Variants in SLC26A8 observed in about 807,000 individuals in gnomAD.
The protein encoded by SLC26A8 is testis anion transporter 1.
A neutral mutation model predicts 105.0 loss-of-function variants in SLC26A8; 70 were observed. The ratio of observed to expected loss-of-function variants is 0.67; its 90% CI spans 0.55 to 0.81. SLC26A8 has a LOEUF of 0.81. Among genes scored for constraint, SLC26A8 ranks in the 40% least tolerant of loss-of-function variants. SLC26A8 has a pLI of 0.00. For synonymous variants in SLC26A8, 415 were observed against 438.3 expected, an observed-to-expected ratio of 0.95 and a Z score of 0.66; for missense variants, 998 against 1,181.8, an observed-to-expected ratio of 0.84 and a Z score of 2.28.
At chr6:36,015,847 C>G (rs1210274161) in intron 2 of SLC26A8, among the ~76,000 whole-genome samples, 1 of 152,052 alleles carries the variant, frequency 6.6e-6, no homozygotes, top group East Asian at 1.9e-4. Flanking sequence ...ACTTTCCACA[C>G]TTGTCACCAA....
chr6:35,989,995 T>C (rs1562051405), intron 7 of SLC26A8: 1 of 129,106 alleles, frequency 7.7e-6, no homozygotes, highest in Non-Finnish European at 1.6e-5. Flanking sequence ...TGCAGTGCAG[T>C]GGCACTATCT....
chr6:35,998,014 T>C, intron 4 of SLC26A8, 95 bp from the exon 5 acceptor site: 1 of 1,166,830 alleles, frequency 8.6e-7, no homozygotes, highest in Admixed American at 2.3e-5. Context: ...GGATTGTCCT[T>C]CAACTGAATA....
intron 17 of SLC26A8, among the ~76,000 whole-genome samples, chr6:35,951,713 A>G (rs977524114): frequency 6.6e-5 from 10 of 152,028 alleles, no homozygotes; most frequent in Non-Finnish European, 1.0e-4. Flanking sequence ...CAAGTAGCTG[A>G]GACTACAGGT....
intron 3 of SLC26A8, among the ~76,000 whole-genome samples, chr6:36,003,956 C>A (rs565375946): frequency 2.6e-5 from 4 of 151,872 alleles, no homozygotes; most frequent in African/African-American, 9.7e-5. Context: ...CCACCATGCC[C>A]GGCCTATTTC....
chr6:36,000,120 G>C lies in SLC26A8; in HGVS notation c.329-12C>G. 5 of 1,567,200 alleles carry C rather than the reference G, an allele frequency of 3.2e-6. No homozygotes were observed. The highest frequency in any genetic ancestry group is 4.4e-6 in the Non-Finnish European group (5 of 1,141,460). On this transcript the variant is annotated splice_polypyrimidine_tract_variant and intron_variant, in intron 3 of 19. Transcript: ENST00000490799. ...ACTAAGTGTCAGGCCTGAAAAACAA[G>C]ATAATTTAAGAAAAAGCAGCTTGTC...
intron 16 of SLC26A8, 52 bp downstream of exon 16, chr6:35,959,408 A>G: frequency 6.4e-7 from 1 of 1,552,424 alleles, no homozygotes; most frequent in Non-Finnish European, 8.7e-7. Flanking sequence ...TGACTAGTGT[A>G]CTTGTTTATA....
At chr6:35,965,121 G>C (rs1256339643) in intron 11 of SLC26A8, among the ~76,000 whole-genome samples, 1 of 152,040 alleles carries the variant, frequency 6.6e-6, no homozygotes, top group Non-Finnish European at 1.5e-5. Context: ...TGTACAGTTA[G>C]GTTACAACTA....
intron 6 of SLC26A8, 39 bp from the exon 7 acceptor site, chr6:35,991,847 G>A (rs1010677870): frequency 2.0e-6 from 3 of 1,521,186 alleles, no homozygotes; most frequent in Non-Finnish European, 2.6e-6. Flanking sequence ...AGAAAGGGAT[G>A]TAGTAATTGC....
intron 16 of SLC26A8, among the ~76,000 whole-genome samples, chr6:35,957,632 G>GT (rs1417265397): frequency 6.8e-6 from 1 of 146,234 alleles, no homozygotes; most frequent in Non-Finnish European, 1.5e-5. Context: ...TTGAGATGGA[G>GT]TTTTGCTCTT....
At chr6:35,977,415 C>T in intron 8 of SLC26A8, 64 bp from the exon 9 acceptor site, 1 of 1,441,484 alleles carries the variant, frequency 6.9e-7, no homozygotes, top group South Asian at 1.3e-5. Context: ...CTCCGCCACT[C>T]TATTCTAACA....
At chr6:35,951,614 C>T in intron 17 of SLC26A8, 115 bp from the exon 18 acceptor site, 1 of 1,076,124 alleles carries the variant, frequency 9.3e-7, no homozygotes, top group Non-Finnish European at 1.4e-6. Flanking sequence ...GAGTCTCACT[C>T]TGTCACCCAG....
intron 7 of SLC26A8, among the ~76,000 whole-genome samples, chr6:35,991,268 G>C (rs1272697935): frequency 6.6e-6 from 1 of 151,978 alleles, no homozygotes; most frequent in South Asian, 2.1e-4. Flanking sequence ...GCTCGCCATT[G>C]TGGCACACAC....
chr6:35,968,451 G>A (rs1772609164), intron 11 of SLC26A8, among the ~76,000 whole-genome samples: 1 of 150,596 alleles, frequency 6.6e-6, no homozygotes, highest in Non-Finnish European at 1.5e-5. Context: ...GTTATACGGT[G>A]TATAACTGTA....
At chr6:35,951,102 CCCAT>C in intron 19 of SLC26A8, 57 bp downstream of exon 19, 1 of 1,356,464 alleles carries the variant, frequency 7.4e-7, no homozygotes. Flanking sequence ...CCACCCCTCA[CCCAT>C]CCCCCCACTG....
chr6:35,949,841 C>T (rs78948187), intron 19 of SLC26A8, among the ~76,000 whole-genome samples: 24,371 of 151,168 alleles, frequency 0.16, 3,577 homozygotes, highest in African/African-American at 0.39. Flanking sequence ...AGTCTCACTC[C>T]GTCGCCCAGT....
intron 5 of SLC26A8, among the ~76,000 whole-genome samples, chr6:35,994,415 ACTGTC>A (rs1761289177): frequency 6.6e-6 from 1 of 151,000 alleles, no homozygotes; most frequent in Non-Finnish European, 1.5e-5. Context: ...CGCCCTGCCA[ACTGTC>A]TCTCCCTTAA....
intron 16 of SLC26A8, among the ~76,000 whole-genome samples, chr6:35,957,746 A>G (rs572880965): frequency 6.6e-6 from 1 of 151,896 alleles, no homozygotes; most frequent in African/African-American, 2.4e-5. Context: ...AGCTGGGATT[A>G]CAGGCATGAG....
chr6:35,953,453 T>C (rs968531425), intron 17 of SLC26A8, among the ~76,000 whole-genome samples: 2 of 152,200 alleles, frequency 1.3e-5, no homozygotes, highest in Non-Finnish European at 2.9e-5. Context: ...GTATGGCCTG[T>C]CTCTCAAGGC....
rs1771590674 is a variant in SLC26A8, at chr6:35,944,324, T to C, written c.2489A>G (p.Tyr830Cys). Reference protein sequence around the residue: ...SETDKNDNSRYKMSSSFLGSQ... With the variant: ...SETDKNDNSRCKMSSSFLGSQ... ...TCCTAGAAAACTGCTGCTCATTTTA[T>C]ATCTTGAATTGTCATTCTGAAATAC... is the stretch of plus-strand genomic sequence containing the variant. Residue 830 changes from tyrosine to cysteine, a missense_variant, in exon 20 of 20, where the codon TAT becomes TGT. Transcript: ENST00000490799. 1 of 1,611,076 alleles carries C rather than the reference T, an allele frequency of 6.2e-7. No homozygotes were observed. Among genetic ancestry groups the C allele is most frequent in the Admixed American group, 1.7e-5 (1 of 59,782 alleles).
Sources: allele counts gnomAD v4.1 joint callset (sites outside exome capture counted in the v4.1 genomes callset), GRCh38; gene constraint gnomAD v4.1.1; transcripts MANE v1.5; gene names NCBI Gene and HGNC (gene_info 2026-07-23, HGNC 2026-07-21).